RIMS1: variants seen among roughly 807,000 people sequenced by gnomAD.
RIMS1 encodes regulating synaptic membrane exocytosis 1.
Under a neutral mutation model 214.1 loss-of-function variants are expected in RIMS1, and 83 were observed. The observed-to-expected ratio is 0.39, with a 90% confidence interval of 0.32 to 0.47. The LOEUF is 0.47. Among genes scored for constraint, RIMS1 ranks in the 20% least tolerant of loss-of-function variants. The probability of loss-of-function intolerance (pLI) is 0.99; values close to 1 mark genes in which losing one functional copy is unlikely to be tolerated. For synonymous variants in RIMS1, 793 were observed against 786.8 expected (o/e 1.01, Z -0.13); for missense variants, 2,050 against 2,161.8 (o/e 0.95, Z 1.03).
intron 4 of RIMS1, among the ~76,000 whole-genome samples, chr6:72,124,502 T>G (rs576902851): frequency 4.3e-4 from 65 of 151,976 alleles, no homozygotes; most frequent in African/African-American, 1.4e-3. Context: ...TCTCTATGTT[T>G]CCTGAAGTTG....
chr6:72,212,606 G>T (rs2054012855), intron 6 of RIMS1, among the ~76,000 whole-genome samples: 10 of 152,122 alleles, frequency 6.6e-5, no homozygotes. Context: ...TGGGCCAATG[G>T]CCATTTCATT....
At chr6:72,135,165 C>T (rs1372917678) in intron 4 of RIMS1, among the ~76,000 whole-genome samples, 1 of 152,032 alleles carries the variant, frequency 6.6e-6, no homozygotes, top group East Asian at 1.9e-4. Context: ...CAGACCATAA[C>T]TTTTTAGATA....
At chr6:71,988,663 T>C (rs945853856) in intron 2 of RIMS1, among the ~76,000 whole-genome samples, 3 of 152,188 alleles carry the variant, frequency 2.0e-5, no homozygotes, top group Admixed American at 6.5e-5. Flanking sequence ...CTGAAAAGAA[T>C]TGAGCATCTT....
At chr6:71,897,051 C>G (rs1040196759) in intron 1 of RIMS1, among the ~76,000 whole-genome samples, 1 of 152,174 alleles carries the variant, frequency 6.6e-6, no homozygotes, top group Non-Finnish European at 1.5e-5. Context: ...TTATAAATTT[C>G]TTGACTTTCT....
At chr6:72,097,291 C>T (rs2032061900) in intron 3 of RIMS1, 129 bp downstream of exon 3, 1 of 764,956 alleles carries the variant, frequency 1.3e-6, no homozygotes, top group Non-Finnish European at 2.2e-6. Context: ...ATGAACCTCC[C>T]TCATTTTGTT....
intron 2 of RIMS1, among the ~76,000 whole-genome samples, chr6:71,996,925 G>C (rs918414427): frequency 6.6e-6 from 1 of 152,188 alleles, no homozygotes; most frequent in Non-Finnish European, 1.5e-5. Context: ...TTTTATAATT[G>C]ATAGGTAATA....
intron 2 of RIMS1, among the ~76,000 whole-genome samples, chr6:72,058,759 C>T (rs550984678): frequency 9.9e-5 from 15 of 152,234 alleles, no homozygotes; most frequent in African/African-American, 3.6e-4. Flanking sequence ...TATGAGCACA[C>T]CTTATAAAAA....
At chr6:72,027,971 C>T (rs1340698116) in intron 2 of RIMS1, among the ~76,000 whole-genome samples, 1 of 151,980 alleles carries the variant, frequency 6.6e-6, no homozygotes, top group Non-Finnish European at 1.5e-5. Flanking sequence ...TTTGTTTTTG[C>T]TCAGTAAGAA....
intron 29 of RIMS1, among the ~76,000 whole-genome samples, chr6:72,340,256 T>C (rs1448633998): frequency 1.3e-5 from 2 of 152,092 alleles, no homozygotes; most frequent in Non-Finnish European, 2.9e-5. Flanking sequence ...CTGATGGTAG[T>C]TTCTTTTGCT....
intron 2 of RIMS1, among the ~76,000 whole-genome samples, chr6:72,045,871 G>A (rs1007075720): frequency 6.7e-6 from 1 of 148,518 alleles, no homozygotes; most frequent in South Asian, 2.1e-4. Flanking sequence ...TTATTTATTG[G>A]TGTTAAGTTT....
intron 7 of RIMS1, 70 bp downstream of exon 7, chr6:72,233,910 A>G (rs1466266904): frequency 4.3e-6 from 4 of 937,326 alleles, no homozygotes; most frequent in South Asian, 1.4e-5. Flanking sequence ...TTTGTCTGAT[A>G]TGTGATATCT....
At chr6:72,108,681 C>T (rs1262269384) in intron 4 of RIMS1, among the ~76,000 whole-genome samples, 1 of 151,396 alleles carries the variant, frequency 6.6e-6, no homozygotes. Context: ...ACTAAAGTTT[C>T]AGTTTATTTT....
intron 1 of RIMS1, among the ~76,000 whole-genome samples, chr6:71,925,681 C>A (rs1781375268): frequency 2.0e-5 from 3 of 152,236 alleles, no homozygotes; most frequent in South Asian, 2.1e-4. Flanking sequence ...GGCAAAGGTG[C>A]AAAATGGTCC....
intron 28 of RIMS1, among the ~76,000 whole-genome samples, chr6:72,328,659 C>A (rs1320142391): frequency 6.6e-6 from 1 of 151,502 alleles, no homozygotes; most frequent in East Asian, 1.9e-4. Context: ...TTTTTTTTAG[C>A]AAACAGAACT....
chr6:71,888,350 G>T (rs1389840305), intron 1 of RIMS1, among the ~76,000 whole-genome samples: 2 of 152,142 alleles, frequency 1.3e-5, no homozygotes, highest in African/African-American at 4.8e-5. Flanking sequence ...AGGCTGGAAG[G>T]TGTATCTGGG....
At chr6:72,251,859 C>T (rs181199190) in intron 15 of RIMS1, among the ~76,000 whole-genome samples, 107 of 152,124 alleles carry the variant, frequency 7.0e-4, no homozygotes, top group Non-Finnish European at 1.2e-3. Context: ...TACAGAAGTG[C>T]GCCACCATGC....
intron 1 of RIMS1, among the ~76,000 whole-genome samples, chr6:71,966,826 G>A (rs1794589180): frequency 7.1e-6 from 1 of 141,646 alleles, no homozygotes. Context: ...CCAGCAGATA[G>A]GGCCTTTTAG....
At chr6:72,247,796 G>A (rs2070891328) in intron 11 of RIMS1, among the ~76,000 whole-genome samples, 1 of 152,044 alleles carries the variant, frequency 6.6e-6, no homozygotes, top group Admixed American at 6.6e-5. Flanking sequence ...CTCCAGAAAT[G>A]TAGATCAATT....
chr6:72,264,631 T>C (rs1454199163), intron 19 of RIMS1, among the ~76,000 whole-genome samples: 1 of 152,206 alleles, frequency 6.6e-6, no homozygotes, highest in Non-Finnish European at 1.5e-5. Context: ...TACTTTTAGC[T>C]ATGAGTTTAC....
Sources: allele counts gnomAD v4.1 joint callset (sites outside exome capture counted in the v4.1 genomes callset), GRCh38; gene constraint gnomAD v4.1.1; transcripts MANE v1.5; gene names NCBI Gene and HGNC (gene_info 2026-07-23, HGNC 2026-07-21).